TLN2: variants seen among roughly 807,000 people sequenced by gnomAD.
TLN2 encodes talin 2.
Under a neutral mutation model 294.7 loss-of-function variants are expected in TLN2, and 118 were observed. The observed-to-expected ratio is 0.40, with a 90% CI of 0.34 to 0.47. The LOEUF is 0.47. Among genes scored for constraint, TLN2 ranks in the 20% least tolerant of loss-of-function variants. TLN2 has a pLI of 0.84. For missense variants in TLN2, 3,083 were observed against 3,282.2 expected (o/e 0.94, Z 1.48); for synonymous variants, 1,431 against 1,304.5 (o/e 1.10, Z -2.09).
At chr15:62,671,494 A>T (rs1596610382) in intron 9 of TLN2, among the ~76,000 whole-genome samples, 1 of 152,206 alleles carries the variant, frequency 6.6e-6, no homozygotes, top group African/African-American at 2.4e-5. Flanking sequence ...TGTCTTTTGC[A>T]TGTGAACATC....
At chr15:62,511,273 T>C (rs985115665) in intron 1 of TLN2, among the ~76,000 whole-genome samples, 3 of 152,194 alleles carry the variant, frequency 2.0e-5, no homozygotes, top group African/African-American at 7.2e-5. Flanking sequence ...TGTTTAGGAA[T>C]GTTTCTAAGT....
intron 1 of TLN2, among the ~76,000 whole-genome samples, chr15:62,456,641 A>AGAGCTGAGTAGACTCTTTCTC (rs1566987644): frequency 2.0e-5 from 3 of 152,264 alleles, no homozygotes; most frequent in Non-Finnish European, 4.4e-5. Flanking sequence ...TAGGAGACAC[A>AGAGCTGAGTAGACTCTTTCTC]GAGCTGAGTA....
intron 9 of TLN2, among the ~76,000 whole-genome samples, chr15:62,671,743 C>G (rs1258938256): frequency 6.6e-6 from 1 of 152,112 alleles, no homozygotes; most frequent in East Asian, 1.9e-4. Flanking sequence ...TCCTTTTCAC[C>G]ACTACTACCA....
At chr15:62,522,198 T>G (rs2040495232) in intron 1 of TLN2, among the ~76,000 whole-genome samples, 1 of 152,150 alleles carries the variant, frequency 6.6e-6, no homozygotes, top group Non-Finnish European at 1.5e-5. Flanking sequence ...CTCTTTGACA[T>G]GTGGTGAGAC....
intron 45 of TLN2, among the ~76,000 whole-genome samples, chr15:62,790,182 A>G (rs1417209699): frequency 1.3e-5 from 2 of 152,168 alleles, no homozygotes; most frequent in African/African-American, 4.8e-5. Flanking sequence ...AGCCTTCATA[A>G]CCTTATCTGT....
intron 37 of TLN2, among the ~76,000 whole-genome samples, chr15:62,757,635 C>A (rs926179141): frequency 6.6e-6 from 1 of 152,058 alleles, no homozygotes. Context: ...AGTGTCAAAC[C>A]CTCTTTGCGA....
At chr15:62,505,237 G>C (rs1281313826) in intron 1 of TLN2, among the ~76,000 whole-genome samples, 1 of 152,168 alleles carries the variant, frequency 6.6e-6, no homozygotes. Context: ...GATTACAGGC[G>C]TGAGCCACTG....
At chr15:62,460,784 G>T (rs1066674) in intron 1 of TLN2, among the ~76,000 whole-genome samples, 87,870 of 152,036 alleles carry the variant, frequency 0.58, 25,477 homozygotes, top group East Asian at 0.71. Context: ...AACTGGACGA[G>T]TTGATGAATT....
chr15:62,720,646 C>T (rs934817215), intron 25 of TLN2, among the ~76,000 whole-genome samples: 1 of 85,288 alleles, frequency 1.2e-5, no homozygotes, highest in Non-Finnish European at 2.6e-5. Context: ...ATATACAACA[C>T]AGGTGTGTGT....
At chr15:62,651,415 T>TC (rs1423955921) in intron 5 of TLN2, among the ~76,000 whole-genome samples, 4 of 152,214 alleles carry the variant, frequency 2.6e-5, no homozygotes, top group African/African-American at 9.7e-5. Context: ...CACTATTTTT[T>TC]CAACATTGTG....
intron 48 of TLN2, among the ~76,000 whole-genome samples, chr15:62,798,002 G>A (rs1174149346): frequency 2.6e-5 from 4 of 152,294 alleles, no homozygotes; most frequent in East Asian, 3.9e-4. Flanking sequence ...CTGCTGCAGG[G>A]AGGAAAGCCG....
intron 2 of TLN2, among the ~76,000 whole-genome samples, chr15:62,613,816 A>G (rs1207490071): frequency 6.6e-6 from 1 of 151,882 alleles, no homozygotes; most frequent in Non-Finnish European, 1.5e-5. Flanking sequence ...AGAGGGATCA[A>G]TCTCAAAATA....
chr15:62,595,410 C>G (rs2046404703), intron 2 of TLN2, among the ~76,000 whole-genome samples: 1 of 70,666 alleles, frequency 1.4e-5, no homozygotes, highest in African/African-American at 6.1e-5. Context: ...CAGACTCCGT[C>G]TCAAAAAAAA....
chr15:62,767,983 A>G (rs1473546), intron 41 of TLN2, among the ~76,000 whole-genome samples: 149,603 of 152,316 alleles, frequency 0.98, 73,519 homozygotes, highest in Middle Eastern at 1. Flanking sequence ...TTTACTCTTG[A>G]CCCTTGGGCT....
intron 1 of TLN2, among the ~76,000 whole-genome samples, chr15:62,536,867 A>C (rs1353374257): frequency 1.3e-5 from 2 of 152,244 alleles, no homozygotes; most frequent in Non-Finnish European, 2.9e-5. Flanking sequence ...AGTCAGGGTA[A>C]TTAGCATATT....
chr15:62,402,546 A>G (rs568646725), intron 1 of TLN2, among the ~76,000 whole-genome samples: 1 of 152,250 alleles, frequency 6.6e-6, no homozygotes, highest in African/African-American at 2.4e-5. Context: ...TCGGAAAGAA[A>G]ACCCCATCCT....
At chr15:62,601,688 T>C (rs1054795145) in intron 2 of TLN2, among the ~76,000 whole-genome samples, 2 of 152,248 alleles carry the variant, frequency 1.3e-5, no homozygotes, top group African/African-American at 2.4e-5. Flanking sequence ...AGAATACTTA[T>C]ATAAAGAGGA....
intron 1 of TLN2, among the ~76,000 whole-genome samples, chr15:62,463,007 C>T (rs1038073032): frequency 3.3e-5 from 5 of 152,164 alleles, no homozygotes; most frequent in East Asian, 1.9e-4. Context: ...GGCTGATGGC[C>T]GTGGCCACGG....
At chr15:62,667,180 A>C (rs1455828626) in intron 9 of TLN2, among the ~76,000 whole-genome samples, 1 of 151,974 alleles carries the variant, frequency 6.6e-6, no homozygotes, top group Admixed American at 6.5e-5. Flanking sequence ...GTTAGCCAGG[A>C]TGGTCTCGAT....
Sources: gnomAD v4.1 joint callset for allele counts (sites outside exome capture counted in the v4.1 genomes callset) on GRCh38, gnomAD v4.1.1 for gene constraint, MANE v1.5 for transcripts, NCBI Gene and HGNC (gene_info 2026-07-23, HGNC 2026-07-21) for gene names.